Variants in DNAI1 observed in about 807,000 individuals in gnomAD.
The protein encoded by DNAI1 is dynein axonemal intermediate chain 1, also known as dynein, axonemal, intermediate polypeptide 1.
A neutral mutation model predicts 92.0 loss-of-function variants in DNAI1; 67 were observed. That is an observed-to-expected ratio of 0.73 (90% CI 0.60 to 0.89). DNAI1 has a LOEUF of 0.89. Ranked by LOEUF, DNAI1 falls within the 40% of genes least tolerant of loss-of-function variation. DNAI1 has a pLI of 0.00. For synonymous variants in DNAI1, 323 were observed against 319.6 expected, an observed-to-expected ratio of 1.01 and a Z score of -0.11; for missense variants, 839 against 866.6, an observed-to-expected ratio of 0.97 and a Z score of 0.40.
At position 34,513,167 on chromosome 9, in the gene DNAI1, C is replaced by T. The variant is rs763501128; in HGVS notation, c.1545C>T (p.Gly515=). ...HKEIDYMFLV[G]TEEGKIYKCS... is the part of the protein sequence containing the mutation. Reference sequence around the variant, plus strand: ...AGATTGACTACATGTTCCTAGTGGGCACAGAGGAGGGAAAAATCTACAAGG... The same window carrying T: ...AGATTGACTACATGTTCCTAGTGGGTACAGAGGAGGGAAAAATCTACAAGG... Residue 515 remains glycine (G), a synonymous_variant, in exon 16 of 20, where the codon GGC becomes GGT. Coordinates refer to ENST00000242317, the MANE Select transcript of DNAI1 (RefSeq NM_012144.4). 9 of 1,614,014 alleles carry T rather than the reference C, an allele frequency of 5.6e-6. No homozygotes were observed. The highest frequency in any genetic ancestry group is 3.3e-5 in the Admixed American group (2 of 60,006).
At chr9:34,512,499 C>A in intron 15 of DNAI1, 75 bp downstream of exon 15, 1 of 1,386,660 alleles carries the variant, frequency 7.2e-7, no homozygotes, top group South Asian at 1.2e-5. Context: ...GACAGTGGTC[C>A]TTCCCCTGAC....
rs11793196 is a variant in DNAI1 at position 34,500,823 on chromosome 9, G to A, written c.1003G>A (p.Val335Ile). Residue 335 changes from valine (V) to isoleucine (I), a missense_variant, in exon 11 of 20, where the codon GTC becomes ATC. By Grantham distance (29) the Val-to-Ile change is conservative (BLOSUM62 3). Coordinates refer to ENST00000242317, the MANE Select transcript of DNAI1 (RefSeq NM_012144.4). ...FQNDKAKRLS[V>I]TALCWNPKYR... ...AAATGACAAAGCCAAGCGCCTGTCC[G>A]TCACTGCCCTCTGCTGGTAAGTATA... The A allele has an allele frequency of 0.15, 247,800 of 1,613,248 alleles. 20,995 individuals are homozygous for A. The highest frequency in any genetic ancestry group is 0.33 in the African/African-American group (24,710 of 74,960).
At chr9:34,494,953 T>C (rs1824689276) in intron 9 of DNAI1, among the ~76,000 whole-genome samples, 2 of 152,164 alleles carry the variant, frequency 1.3e-5, no homozygotes, top group African/African-American at 4.8e-5. Flanking sequence ...GGCCCAGTGG[T>C]TGAACAGAGT....
chr9:34,519,456 C>G (rs933936666), intron 19 of DNAI1, among the ~76,000 whole-genome samples: 8 of 151,962 alleles, frequency 5.3e-5, no homozygotes, highest in Non-Finnish European at 8.8e-5. Flanking sequence ...TGGGGTGAAG[C>G]CAAGAAGAGA....
intron 1 of DNAI1, chr9:34,478,554 G>C (rs189639889): frequency 6.6e-6 from 1 of 152,208 alleles, no homozygotes; most frequent in Non-Finnish European, 1.5e-5. Context: ...ATCCAAAGAC[G>C]AATAAGACTC....
At chr9:34,469,872 G>T (rs950624252) in intron 1 of DNAI1, among the ~76,000 whole-genome samples, 2 of 152,192 alleles carry the variant, frequency 1.3e-5, no homozygotes, top group South Asian at 4.1e-4. Context: ...GAGCCACTGC[G>T]CCCAGCCCTT....
Position 34,520,784 on chromosome 9 carries a change from G to C in DNAI1, c.*28G>C, listed in dbSNP as rs1358743126. 6.5e-7 allele frequency: 1 copy of C among 1,548,744 alleles called. No homozygotes were observed. The highest frequency in any genetic ancestry group is 8.7e-7 in the Non-Finnish European group (1 of 1,144,542). ...GGCTGGCCTCAGTCTCTGTCCCATC[G>C]CTTGAATACAGTACTCCTAGGGCTT... On this transcript the variant is annotated 3_prime_UTR_variant, in exon 20 of 20. Coordinates refer to ENST00000242317, the MANE Select transcript of DNAI1 (RefSeq NM_012144.4).
intron 1 of DNAI1, among the ~76,000 whole-genome samples, chr9:34,459,462 T>G (rs1247669735): frequency 1.3e-5 from 2 of 151,742 alleles, no homozygotes; most frequent in Non-Finnish European, 1.5e-5. Flanking sequence ...TTTTTTTTTT[T>G]TGAGACAGAG....
intron 8 of DNAI1, 38 bp downstream of exon 8, chr9:34,491,592 A>G (rs1452815656): frequency 6.2e-7 from 1 of 1,609,188 alleles, no homozygotes; most frequent in Admixed American, 1.7e-5. Context: ...CTTACCACCC[A>G]CCTCTATGTA....
intron 14 of DNAI1, 27 bp downstream of exon 14, chr9:34,512,225 C>G: frequency 6.2e-7 from 1 of 1,613,198 alleles, no homozygotes; most frequent in Non-Finnish European, 8.5e-7. Flanking sequence ...GAGGGTCACA[C>G]TGGGGTGATT....
chr9:34,514,818 C>G, intron 18 of DNAI1, 79 bp downstream of exon 18: 1 of 1,455,408 alleles, frequency 6.9e-7, no homozygotes, highest in Non-Finnish European at 9.6e-7. Context: ...TGATGGAGAA[C>G]CCATCCCATG....
chr9:34,470,273 CAA>C (rs938176830), intron 1 of DNAI1, among the ~76,000 whole-genome samples: 93 of 152,034 alleles, frequency 6.1e-4, no homozygotes, highest in African/African-American at 2.2e-3. Flanking sequence ...AACTAGAAAA[CAA>C]AGAGCAACAT....
intron 1 of DNAI1, among the ~76,000 whole-genome samples, chr9:34,481,443 G>A (rs984953170): frequency 1.3e-5 from 2 of 152,176 alleles, no homozygotes; most frequent in Non-Finnish European, 2.9e-5. Context: ...CTGGCTGGGC[G>A]CAAAAGAATA....
chr9:34,467,544 G>A (rs1384327932), intron 1 of DNAI1, among the ~76,000 whole-genome samples: 1 of 152,034 alleles, frequency 6.6e-6, no homozygotes, highest in Non-Finnish European at 1.5e-5. Flanking sequence ...GAGGCGGGAG[G>A]ATCCCTTGAG....
intron 1 of DNAI1, among the ~76,000 whole-genome samples, chr9:34,462,596 A>C (rs898506748): frequency 1.3e-5 from 2 of 152,202 alleles, no homozygotes; most frequent in African/African-American, 4.8e-5. Flanking sequence ...TGTTCTTGGA[A>C]ATTATCATCT....
intron 1 of DNAI1, among the ~76,000 whole-genome samples, chr9:34,472,815 TC>T (rs529449318): frequency 2.7e-4 from 41 of 151,826 alleles, no homozygotes; most frequent in Admixed American, 7.9e-4. Flanking sequence ...AGCAGGAGGA[TC>T]CCTTGAGCCC....
At chr9:34,497,793 G>A (rs1319141933) in intron 10 of DNAI1, among the ~76,000 whole-genome samples, 4 of 152,188 alleles carry the variant, frequency 2.6e-5, no homozygotes, top group Non-Finnish European at 5.9e-5. Context: ...GATAGCTACA[G>A]GGAGGATGTT....
chr9:34,517,138 A>G, intron 18 of DNAI1, 147 bp from the exon 19 acceptor site: 1 of 815,452 alleles, frequency 1.2e-6, no homozygotes, highest in Non-Finnish European at 2.0e-6. Context: ...ACAGAGACAC[A>G]AAATTCCCCC....
chr9:34,510,766 C>A (rs1238914456), intron 13 of DNAI1, among the ~76,000 whole-genome samples: 1 of 152,164 alleles, frequency 6.6e-6, no homozygotes, highest in African/African-American at 2.4e-5. Context: ...ACAGCCTGGC[C>A]TTTGACACCC....
Sources: gnomAD v4.1 joint callset for allele counts (sites outside exome capture counted in the v4.1 genomes callset) on GRCh38, gnomAD v4.1.1 for gene constraint, MANE v1.5 for transcripts, NCBI Gene and HGNC (gene_info 2026-07-23, HGNC 2026-07-21) for gene names.